The following PTPRD variants were observed in gnomAD, a reference collection of about 807,000 sequenced individuals.
PTPRD encodes the protein receptor-type tyrosine-protein phosphatase delta.
A neutral mutation model predicts 214.5 loss-of-function variants in PTPRD; 34 were observed. The ratio of observed to expected loss-of-function variants is 0.16; its 90% CI spans 0.12 to 0.21. PTPRD has a LOEUF of 0.21. Among genes scored for constraint, PTPRD ranks in the 10% least tolerant of loss-of-function variants. PTPRD has a pLI of 1.00. For synonymous variants in PTPRD, 1,128 were observed against 845.7 expected (o/e 1.33, Z -5.79); for missense variants, 2,545 against 2,398.7 (o/e 1.06, Z -1.27).
At chr9:8,406,116 A>G (rs1281661603) in intron 35 of PTPRD, among the ~76,000 whole-genome samples, 1 of 152,188 alleles carries the variant, frequency 6.6e-6, no homozygotes, top group East Asian at 1.9e-4. Flanking sequence ...AAATATTAAT[A>G]ATTATCCATA....
intron 5 of PTPRD, among the ~76,000 whole-genome samples, chr9:9,791,557 T>C (rs1040509850): frequency 3.3e-5 from 5 of 152,294 alleles, no homozygotes; most frequent in African/African-American, 1.2e-4. Context: ...ATCAAGCTTA[T>C]TTAACATGTT....
At chr9:8,685,554 A>G (rs1358512947) in intron 12 of PTPRD, among the ~76,000 whole-genome samples, 1 of 152,216 alleles carries the variant, frequency 6.6e-6, no homozygotes, top group African/African-American at 2.4e-5. Flanking sequence ...GAAACCAGCC[A>G]ATACTTTGGT....
intron 8 of PTPRD, among the ~76,000 whole-genome samples, chr9:9,458,471 G>A (rs1353581106): frequency 6.6e-6 from 1 of 152,038 alleles, no homozygotes; most frequent in Non-Finnish European, 1.5e-5. Flanking sequence ...TTTGTATAAT[G>A]AGTGTGCATG....
At chr9:9,030,605 G>A (rs1333674073) in intron 10 of PTPRD, among the ~76,000 whole-genome samples, 4 of 151,946 alleles carry the variant, frequency 2.6e-5, no homozygotes, top group African/African-American at 4.8e-5. Context: ...AAGGTTAGCA[G>A]GAATAATTGA....
intron 3 of PTPRD, among the ~76,000 whole-genome samples, chr9:10,325,235 A>T: frequency 6.6e-6 from 1 of 151,962 alleles, no homozygotes; most frequent in East Asian, 1.9e-4. Flanking sequence ...AATTCCTGAC[A>T]AGCACACAGG....
chr9:10,030,237 G>A (rs991094870), intron 4 of PTPRD, among the ~76,000 whole-genome samples: 1 of 152,168 alleles, frequency 6.6e-6, no homozygotes, highest in African/African-American at 2.4e-5. Context: ...CGAGTTAAAT[G>A]ATAAGATAGG....
At chr9:10,246,707 A>G (rs181079933) in intron 3 of PTPRD, among the ~76,000 whole-genome samples, 5 of 152,040 alleles carry the variant, frequency 3.3e-5, no homozygotes, top group Admixed American at 3.3e-4. Flanking sequence ...GGTACTCTTT[A>G]CGTATTTTTA....
intron 10 of PTPRD, among the ~76,000 whole-genome samples, chr9:9,096,192 C>T (rs1187626149): frequency 6.6e-6 from 1 of 152,202 alleles, no homozygotes; most frequent in Non-Finnish European, 1.5e-5. Context: ...TTGTATTTGA[C>T]ATGAGATTCA....
At chr9:9,993,216 G>A (rs1429981455) in intron 4 of PTPRD, among the ~76,000 whole-genome samples, 2 of 152,118 alleles carry the variant, frequency 1.3e-5, no homozygotes, top group Non-Finnish European at 2.9e-5. Flanking sequence ...AATTACTTTA[G>A]ACATCATTTG....
chr9:9,774,214 A>G (rs537540141), intron 5 of PTPRD, among the ~76,000 whole-genome samples: 5 of 152,360 alleles, frequency 3.3e-5, no homozygotes, highest in African/African-American at 1.2e-4. Flanking sequence ...CAAGATCATT[A>G]AAACACATGG....
chr9:9,046,759 G>C (rs768376583), intron 10 of PTPRD, among the ~76,000 whole-genome samples: 9 of 152,168 alleles, frequency 5.9e-5, no homozygotes, highest in Non-Finnish European at 1.0e-4. Flanking sequence ...CATAAAGCAT[G>C]AGCGTTGATA....
intron 11 of PTPRD, among the ~76,000 whole-genome samples, chr9:8,787,034 C>G (rs918472547): frequency 6.6e-6 from 1 of 152,106 alleles, no homozygotes; most frequent in African/African-American, 2.4e-5. Context: ...CAGGGTCTCA[C>G]GATGTTGCCT....
At chr9:9,392,206 G>T (rs1417330805) in intron 9 of PTPRD, among the ~76,000 whole-genome samples, 1 of 152,118 alleles carries the variant, frequency 6.6e-6, no homozygotes, top group Non-Finnish European at 1.5e-5. Context: ...AGTAATCTGG[G>T]CACATTGATG....
chr9:10,250,559 G>T (rs1460135562), intron 3 of PTPRD, among the ~76,000 whole-genome samples: 1 of 152,086 alleles, frequency 6.6e-6, no homozygotes, highest in African/African-American at 2.4e-5. Context: ...CCCTCTTTAA[G>T]CTTAATCTCA....
At chr9:8,795,903 T>A (rs1423544456) in intron 11 of PTPRD, among the ~76,000 whole-genome samples, 1 of 152,038 alleles carries the variant, frequency 6.6e-6, no homozygotes, top group Non-Finnish European at 1.5e-5. Flanking sequence ...ATGCACCAAG[T>A]CGCATGTTCA....
intron 7 of PTPRD, among the ~76,000 whole-genome samples, chr9:9,665,489 G>T (rs905434903): frequency 5.9e-5 from 9 of 151,586 alleles, no homozygotes; most frequent in African/African-American, 2.2e-4. Flanking sequence ...CTATGTTCTG[G>T]CTTTCTGACC....
intron 8 of PTPRD, among the ~76,000 whole-genome samples, chr9:9,513,287 G>C (rs950195117): frequency 6.6e-6 from 1 of 151,936 alleles, no homozygotes; most frequent in African/African-American, 2.4e-5. Flanking sequence ...CACACAGTGT[G>C]ATAAAAATGT....
At chr9:10,100,619 T>G (rs1481491811) in intron 3 of PTPRD, among the ~76,000 whole-genome samples, 2 of 151,756 alleles carry the variant, frequency 1.3e-5, no homozygotes, top group African/African-American at 4.8e-5. Context: ...CTTTTTGTTA[T>G]TATTTATAGT....
At chr9:8,939,985 G>T (rs1567133810) in intron 11 of PTPRD, among the ~76,000 whole-genome samples, 1 of 150,910 alleles carries the variant, frequency 6.6e-6, no homozygotes. Flanking sequence ...AACCAGAGTA[G>T]CAAGGAATAA....
Sources: allele counts gnomAD v4.1 joint callset (sites outside exome capture counted in the v4.1 genomes callset), GRCh38; gene constraint gnomAD v4.1.1; transcripts MANE v1.5; gene names NCBI Gene and HGNC (gene_info 2026-07-23, HGNC 2026-07-21).